The following MBD2 variants were observed in gnomAD, a reference collection of about 807,000 sequenced individuals.
MBD2 encodes the protein methyl-CpG binding domain protein 2, also known as methyl-CpG-binding domain protein 2.
A neutral mutation model predicts 39.3 loss-of-function variants in MBD2; 9 were observed. That is an observed-to-expected ratio of 0.23 (90% confidence interval 0.14 to 0.40). The LOEUF is 0.40. Ranked by LOEUF, MBD2 falls within the 10% of genes least tolerant of loss-of-function variation. The pLI is 1.00. For missense variants in MBD2, 458 were observed against 532.6 expected, an observed-to-expected ratio of 0.86 and a Z score of 1.38; for synonymous variants, 233 against 211.1, an observed-to-expected ratio of 1.10 and a Z score of -0.90.
At chr18:54,175,338 A>G (rs2086204383) in intron 3 of MBD2, among the ~76,000 whole-genome samples, 2 of 152,250 alleles carry the variant, frequency 1.3e-5, no homozygotes, top group African/African-American at 4.8e-5. Context: ...GCCAGGCGTG[A>G]AGCCTGAAGG....
chr18:54,220,851 T>C (rs2086605481), intron 1 of MBD2, among the ~76,000 whole-genome samples: 1 of 152,234 alleles, frequency 6.6e-6, no homozygotes, highest in African/African-American at 2.4e-5. Flanking sequence ...ATTATCATAT[T>C]ACGCTACATA....
intron 3 of MBD2, among the ~76,000 whole-genome samples, chr18:54,175,619 C>A (rs1316122981): frequency 6.6e-6 from 1 of 152,216 alleles, no homozygotes; most frequent in Non-Finnish European, 1.5e-5. Context: ...CTGCTTCCCC[C>A]TCAAGCCATC....
intron 3 of MBD2, among the ~76,000 whole-genome samples, chr18:54,177,512 G>T (rs147063077): frequency 3.2e-4 from 49 of 151,266 alleles, no homozygotes; most frequent in African/African-American, 1.1e-3. Context: ...ACGGAGTCTC[G>T]CTCTGTCGCC....
intron 3 of MBD2, among the ~76,000 whole-genome samples, chr18:54,175,936 G>A (rs2086210099): frequency 6.6e-6 from 1 of 152,178 alleles, no homozygotes; most frequent in Non-Finnish European, 1.5e-5. Flanking sequence ...CAAAGATTTA[G>A]ACTACAAGCA....
chr18:54,220,016 T>C (rs1599114505), intron 1 of MBD2, among the ~76,000 whole-genome samples: 1 of 152,288 alleles, frequency 6.6e-6, no homozygotes, highest in East Asian at 1.9e-4. Flanking sequence ...TTAGCCAGAA[T>C]GGTCTCGATC....
intron 1 of MBD2, among the ~76,000 whole-genome samples, chr18:54,218,957 G>A (rs1405525716): frequency 7.1e-6 from 1 of 141,130 alleles, no homozygotes; most frequent in Non-Finnish European, 1.5e-5. Flanking sequence ...GTAAGACTCC[G>A]TCTCAAAAAA....
chr18:54,201,015 G>A (rs1013784855), intron 2 of MBD2, among the ~76,000 whole-genome samples: 1 of 151,572 alleles, frequency 6.6e-6, no homozygotes, highest in Admixed American at 6.6e-5. Context: ...GGGAGGCAGA[G>A]CTTGCAGTGA....
chr18:54,160,006 A>T (rs1353113031), intron 5 of MBD2, 103 bp from the exon 6 acceptor site: 3 of 1,298,698 alleles, frequency 2.3e-6, no homozygotes, highest in African/African-American at 3.0e-5. Flanking sequence ...TAAATTCCTA[A>T]GAAGAATAGA....
At chr18:54,197,374 C>A (rs1437317966) in intron 2 of MBD2, among the ~76,000 whole-genome samples, 2 of 152,234 alleles carry the variant, frequency 1.3e-5, no homozygotes, top group African/African-American at 4.8e-5. Context: ...CCTAGTACTA[C>A]TCCTCCACTC....
At chr18:54,222,758 T>A (rs895493288) in intron 1 of MBD2, among the ~76,000 whole-genome samples, 5 of 152,264 alleles carry the variant, frequency 3.3e-5, no homozygotes, top group African/African-American at 1.2e-4. Flanking sequence ...CAACTACTCA[T>A]CCATATATAG....
rs1243856165 is a variant in MBD2, at chr18:54,175,804, C to T, written c.841-9638G>A. On this transcript the variant is annotated intron_variant, in intron 3 of 6. Coordinates refer to ENST00000256429, the MANE Select transcript of MBD2 (RefSeq NM_003927.5). ...ATTCCTAGCTCAAGCCTCCCCTGTC[C>T]TACTTCACTGATACATTCGCCTGCC... 2.0e-5 allele frequency among the ~76,000 whole-genome samples: 3 copies of T among 152,310 alleles called. No homozygotes were observed. The East Asian group carries it at 5.8e-4, about 29-fold the overall frequency.
intron 3 of MBD2, among the ~76,000 whole-genome samples, chr18:54,174,361 A>G (rs2086196867): frequency 6.6e-6 from 1 of 152,204 alleles, no homozygotes. Flanking sequence ...CCCAGATCTC[A>G]CAGCAGAAAC....
chr18:54,222,036 G>C (rs1011838237), intron 1 of MBD2, among the ~76,000 whole-genome samples: 1 of 152,160 alleles, frequency 6.6e-6, no homozygotes, highest in Non-Finnish European at 1.5e-5. Context: ...GAATAGCCTA[G>C]TCATCTATTC....
rs143974412 is a variant in MBD2, at chr18:54,213,522, C to T, written c.543-8365G>A. The stretch of plus-strand genomic sequence containing the variant: ...AAAAATTAAAAACCAGGGTATGCCA[C>T]TAAAATGCGAAAAAATGAATTTATG... On this transcript the variant is annotated intron_variant, in intron 1 of 6. Coordinates refer to ENST00000256429, the MANE Select transcript of MBD2 (RefSeq NM_003927.5). 4.8e-3 allele frequency among the ~76,000 whole-genome samples: 728 copies of T among 152,266 alleles called. 7 individuals are homozygous for T. The highest frequency in any genetic ancestry group is 0.016 in the African/African-American group (663 of 41,554).
At chr18:54,201,642 C>T (rs2086408543) in intron 2 of MBD2, among the ~76,000 whole-genome samples, 1 of 152,100 alleles carries the variant, frequency 6.6e-6, no homozygotes, top group South Asian at 2.1e-4. Flanking sequence ...GAGGGCAGAT[C>T]ACGAGGTCAG....
intron 3 of MBD2, 85 bp downstream of exon 3, chr18:54,188,789 T>C: frequency 7.0e-7 from 1 of 1,426,648 alleles, no homozygotes. Flanking sequence ...TACTCCATTT[T>C]AACCAGAATT....
chr18:54,203,059 G>T, intron 2 of MBD2: 1 of 1,472,986 alleles, frequency 6.8e-7, no homozygotes, highest in African/African-American at 1.4e-5. Flanking sequence ...GCAGAGTCTT[G>T]AAAGCGCATG....
intron 2 of MBD2, among the ~76,000 whole-genome samples, chr18:54,190,441 G>C (rs1028791142): frequency 6.6e-6 from 1 of 152,144 alleles, no homozygotes; most frequent in Admixed American, 6.5e-5. Flanking sequence ...TGATGGGATG[G>C]GGTGCTGTCC....
chr18:54,218,145 T>C (rs2086577356), intron 1 of MBD2, among the ~76,000 whole-genome samples: 3 of 152,214 alleles, frequency 2.0e-5, no homozygotes, highest in Non-Finnish European at 4.4e-5. Context: ...TACGGTATAT[T>C]TCAACTGTAT....
Sources: gnomAD v4.1 joint callset for allele counts (sites outside exome capture counted in the v4.1 genomes callset) on GRCh38, gnomAD v4.1.1 for gene constraint, MANE v1.5 for transcripts, NCBI Gene and HGNC (gene_info 2026-07-23, HGNC 2026-07-21) for gene names.